The following GALNT17 variants were observed in gnomAD, a reference collection of about 807,000 sequenced individuals.
The protein encoded by GALNT17 is UDP-GalNAc:polypeptide N-acetylgalactosaminyltransferase-like 3.
A neutral mutation model predicts 63.7 loss-of-function variants in GALNT17; 29 were observed. That is an observed-to-expected ratio of 0.46 (90% confidence interval 0.34 to 0.62). GALNT17 has a LOEUF of 0.62. Ranked by LOEUF, GALNT17 falls within the 20% of genes least tolerant of loss-of-function variation. The probability of loss-of-function intolerance (pLI) is 0.01; values close to 1 mark genes in which losing one functional copy is unlikely to be tolerated. For synonymous variants in GALNT17, 305 were observed against 318.3 expected, an observed-to-expected ratio of 0.96 and a Z score of 0.45; for missense variants, 603 against 799.6, an observed-to-expected ratio of 0.75 and a Z score of 2.97.
intron 5 of GALNT17, among the ~76,000 whole-genome samples, chr7:71,566,582 C>T (rs2116868041): frequency 6.6e-6 from 1 of 152,232 alleles, no homozygotes; most frequent in South Asian, 2.1e-4. Flanking sequence ...TAGCATATCT[C>T]CATAACTCGG....
rs551866800 is a variant in GALNT17 at position 71,214,663 on chromosome 7, C to T, written c.238+81623C>T. Reference sequence around the variant, plus strand: ...TGTGATCTTGGCTCACTGCAACCTCCGCCTCCTGGGTTCAAGCAATTCTCC... The same window carrying T: ...TGTGATCTTGGCTCACTGCAACCTCTGCCTCCTGGGTTCAAGCAATTCTCC... On this transcript the variant is annotated intron_variant, in intron 1 of 10. Coordinates refer to ENST00000333538, the MANE Select transcript of GALNT17 (RefSeq NM_022479.3). 7.1e-4 allele frequency among the ~76,000 whole-genome samples: 108 copies of T among 151,280 alleles called. 1 individual carries two copies. Among genetic ancestry groups the T allele is most frequent in the Admixed American group, 2.7e-3 (41 of 15,164 alleles).
chr7:71,286,563 C>T (rs556608776), intron 1 of GALNT17, among the ~76,000 whole-genome samples: 4 of 147,536 alleles, frequency 2.7e-5, no homozygotes, highest in Admixed American at 2.6e-4. Flanking sequence ...TTCCATCTGC[C>T]TCTCAGGAGG....
intron 1 of GALNT17, among the ~76,000 whole-genome samples, chr7:71,293,922 G>A (rs758807502): frequency 6.6e-6 from 1 of 152,144 alleles, no homozygotes; most frequent in Non-Finnish European, 1.5e-5. Flanking sequence ...CACTTTGGGA[G>A]GCCAAGATGG....
intron 1 of GALNT17, chr7:71,300,259 A>G (rs1791170126): frequency 6.7e-6 from 2 of 300,240 alleles, no homozygotes; most frequent in Non-Finnish European, 1.3e-5. Context: ...GGTTGAAGGA[A>G]TGTGTGCTTT....
At chr7:71,471,088 T>G (rs1321821339) in intron 5 of GALNT17, among the ~76,000 whole-genome samples, 1 of 152,096 alleles carries the variant, frequency 6.6e-6, no homozygotes, top group Non-Finnish European at 1.5e-5. Flanking sequence ...TTTTTGTTTT[T>G]TTTCTTTTCC....
intron 1 of GALNT17, among the ~76,000 whole-genome samples, chr7:71,209,741 C>T (rs146978875): frequency 6.6e-5 from 10 of 152,080 alleles, no homozygotes; most frequent in African/African-American, 1.9e-4. Context: ...TAAGGACATA[C>T]CCGAGACTGG....
intron 1 of GALNT17, among the ~76,000 whole-genome samples, chr7:71,134,880 C>G (rs931179274): frequency 2.8e-5 from 3 of 109,022 alleles, no homozygotes; most frequent in African/African-American, 1.1e-4. Context: ...ACAGGGTCTT[C>G]TCGCTCTGTC....
chr7:71,193,584 A>C (rs976424329), intron 1 of GALNT17, among the ~76,000 whole-genome samples: 1 of 149,898 alleles, frequency 6.7e-6, no homozygotes, highest in African/African-American at 2.5e-5. Context: ...TTCCTCCTTC[A>C]GAGCCTGGAG....
chr7:71,641,123 C>G (rs931436125), intron 6 of GALNT17, among the ~76,000 whole-genome samples: 1 of 152,198 alleles, frequency 6.6e-6, no homozygotes, highest in Non-Finnish European at 1.5e-5. Flanking sequence ...CATTGGGAAC[C>G]TGTGGCTTAG....
chr7:71,523,470 C>T (rs1245954836), intron 5 of GALNT17, among the ~76,000 whole-genome samples: 3 of 151,638 alleles, frequency 2.0e-5, no homozygotes, highest in African/African-American at 7.3e-5. Context: ...AGATTCTTGG[C>T]CAGGCACAGT....
At chr7:71,693,895 G>A (rs1011279158) in intron 9 of GALNT17, among the ~76,000 whole-genome samples, 1 of 151,626 alleles carries the variant, frequency 6.6e-6, no homozygotes, top group Non-Finnish European at 1.5e-5. Flanking sequence ...GTTATTCAAT[G>A]GTGGGTGAGG....
intron 5 of GALNT17, among the ~76,000 whole-genome samples, chr7:71,545,399 C>A (rs899698982): frequency 6.6e-6 from 1 of 152,162 alleles, no homozygotes; most frequent in African/African-American, 2.4e-5. Context: ...GTCACCCAGG[C>A]TGGAGTGCAA....
chr7:71,367,570 C>T (rs1544442), intron 2 of GALNT17, among the ~76,000 whole-genome samples: 13,836 of 148,080 alleles, frequency 0.093, 847 homozygotes, highest in Admixed American at 0.16. Context: ...TTCCAGGTTA[C>T]AGTGGGGCCC....
intron 9 of GALNT17, among the ~76,000 whole-genome samples, chr7:71,679,277 G>T (rs773186518): frequency 6.6e-6 from 1 of 152,128 alleles, no homozygotes; most frequent in African/African-American, 2.4e-5. Context: ...GTTGGGCGTG[G>T]TGGCACACGA....
intron 10 of GALNT17, among the ~76,000 whole-genome samples, chr7:71,711,276 C>A (rs1791788081): frequency 6.6e-6 from 1 of 151,852 alleles, no homozygotes; most frequent in African/African-American, 2.4e-5. Flanking sequence ...ATCCTGACCC[C>A]CTCCTGACCC....
chr7:71,589,133 C>A (rs995235149), intron 6 of GALNT17, among the ~76,000 whole-genome samples: 2 of 152,094 alleles, frequency 1.3e-5, no homozygotes, highest in African/African-American at 4.8e-5. Flanking sequence ...ATAGACTGGT[C>A]TTCTTTGTAA....
chr7:71,308,151 A>G (rs1224154754), intron 1 of GALNT17, among the ~76,000 whole-genome samples: 3 of 152,152 alleles, frequency 2.0e-5, no homozygotes, highest in Non-Finnish European at 2.9e-5. Context: ...CAAAGTATAT[A>G]AAGACCTGCT....
chr7:71,302,715 C>T (rs1004421742), intron 1 of GALNT17, among the ~76,000 whole-genome samples: 1 of 152,096 alleles, frequency 6.6e-6, no homozygotes, highest in African/African-American at 2.4e-5. Flanking sequence ...ATAGCATAAC[C>T]GTGCTCTTTA....
At chr7:71,530,522 T>C (rs1788699924) in intron 5 of GALNT17, among the ~76,000 whole-genome samples, 1 of 151,798 alleles carries the variant, frequency 6.6e-6, no homozygotes, top group Non-Finnish European at 1.5e-5. Context: ...TCAGTGTCTT[T>C]TGGAGAGGTA....
Sources: gnomAD v4.1 joint callset for allele counts (sites outside exome capture counted in the v4.1 genomes callset) on GRCh38, gnomAD v4.1.1 for gene constraint, MANE v1.5 for transcripts, NCBI Gene and HGNC (gene_info 2026-07-23, HGNC 2026-07-21) for gene names.